The following CDK14 variants were observed in gnomAD, a reference collection of about 807,000 sequenced individuals.
CDK14 encodes cyclin dependent kinase 14.
CDK14 carries 34 observed loss-of-function variants against 60.7 expected under a neutral mutation model. The observed-to-expected ratio is 0.56, with a 90% confidence interval of 0.43 to 0.75. CDK14 has a LOEUF of 0.75. CDK14 is among the 30% of genes least tolerant of loss of function. CDK14 has a pLI of 0.00. For missense variants in CDK14, 482 were observed against 564.1 expected (o/e 0.85, Z 1.47); for synonymous variants, 197 against 203.7 (o/e 0.97, Z 0.28).
At chr7:90,689,588 A>T (rs746952359) in intron 2 of CDK14, among the ~76,000 whole-genome samples, 1 of 152,184 alleles carries the variant, frequency 6.6e-6, no homozygotes, top group Non-Finnish European at 1.5e-5. Flanking sequence ...ATCTTCTCAT[A>T]CTACCCCAGG....
chr7:90,790,113 TGAG>T (rs991842981), intron 4 of CDK14, among the ~76,000 whole-genome samples: 4 of 150,384 alleles, frequency 2.7e-5, no homozygotes, highest in Admixed American at 1.3e-4. Flanking sequence ...TTTTTTTTTT[TGAG>T]AGAGAGAGAA....
chr7:91,056,306 T>A (rs1421019474), intron 11 of CDK14, among the ~76,000 whole-genome samples: 2 of 152,138 alleles, frequency 1.3e-5, no homozygotes, highest in Non-Finnish European at 2.9e-5. Flanking sequence ...AAGGGTAGGA[T>A]GAAGATTTTC....
chr7:90,680,580 A>G (rs976778202), intron 2 of CDK14, among the ~76,000 whole-genome samples: 5 of 152,202 alleles, frequency 3.3e-5, no homozygotes, highest in African/African-American at 1.2e-4. Context: ...GGAAAAATCT[A>G]TTGGGTGAAT....
chr7:90,744,357 CAGA>C (rs994577173), intron 3 of CDK14, among the ~76,000 whole-genome samples: 3 of 152,326 alleles, frequency 2.0e-5, no homozygotes, highest in African/African-American at 7.2e-5. Context: ...GATCCCAAGG[CAGA>C]AGAATTTTTC....
At position 91,150,271 on chromosome 7, in the gene CDK14, C is replaced by T. The variant is rs141222562; in HGVS notation, c.*28+32063C>T. On this transcript the variant is annotated intron_variant, in intron 14 of 14. Coordinates refer to ENST00000380050, the MANE Select transcript of CDK14 (RefSeq NM_001287135.2). ...TGCTGGCTGTTTACGGGGGACATTT[C>T]GTGTTTAAAATATGTCTTTAAAATG... is the stretch of plus-strand genomic sequence containing the variant. Among the ~76,000 whole-genome samples the T allele has an allele frequency of 5.1e-3, 784 of 152,246 alleles. 10 individuals carry two copies. The highest frequency in any genetic ancestry group is 0.017 in the African/African-American group (713 of 41,534).
At chr7:90,777,979 A>C (rs1359295932) in intron 4 of CDK14, among the ~76,000 whole-genome samples, 1 of 152,182 alleles carries the variant, frequency 6.6e-6, no homozygotes, top group Non-Finnish European at 1.5e-5. Flanking sequence ...ATAGAACATC[A>C]TTCTCTGATC....
intron 4 of CDK14, among the ~76,000 whole-genome samples, chr7:90,757,893 A>G (rs1804149328): frequency 1.3e-5 from 2 of 152,086 alleles, no homozygotes; most frequent in Non-Finnish European, 2.9e-5. Context: ...ATGAGCAACC[A>G]TGCCCAGTGG....
intron 6 of CDK14, among the ~76,000 whole-genome samples, chr7:90,866,221 C>T (rs1562804053): frequency 7.6e-6 from 1 of 131,230 alleles, no homozygotes; most frequent in African/African-American, 2.9e-5. Flanking sequence ...CTGAAATACA[C>T]ACACATACAC....
intron 2 of CDK14, among the ~76,000 whole-genome samples, chr7:90,721,227 C>G (rs967113225): frequency 3.0e-4 from 45 of 152,244 alleles, no homozygotes; most frequent in African/African-American, 9.9e-4. Flanking sequence ...CCTGATCATT[C>G]ATTCCTGTCC....
intron 13 of CDK14, 38 bp downstream of exon 13, chr7:91,112,719 A>G: frequency 6.2e-7 from 1 of 1,605,866 alleles, no homozygotes; most frequent in Non-Finnish European, 8.5e-7. Context: ...GTCCAAGCAG[A>G]CACATCATTT....
chr7:90,614,066 G>A (rs1225162469), intron 2 of CDK14, among the ~76,000 whole-genome samples: 3 of 148,030 alleles, frequency 2.0e-5, no homozygotes, highest in Non-Finnish European at 4.4e-5. Context: ...GAGTGCAATG[G>A]TGCGATCTTG....
At chr7:90,759,130 G>A (rs1372131096) in intron 4 of CDK14, among the ~76,000 whole-genome samples, 1 of 151,986 alleles carries the variant, frequency 6.6e-6, no homozygotes, top group Non-Finnish European at 1.5e-5. Flanking sequence ...ATGAAGAGAG[G>A]ATGATGTTGA....
chr7:90,714,143 AAGG>A (rs1163604498), intron 2 of CDK14, among the ~76,000 whole-genome samples: 1 of 152,054 alleles, frequency 6.6e-6, no homozygotes, highest in Non-Finnish European at 1.5e-5. Context: ...GAGTGGATAA[AAGG>A]AGGATGTAAC....
intron 2 of CDK14, among the ~76,000 whole-genome samples, chr7:90,668,234 T>C (rs1220258492): frequency 6.6e-6 from 1 of 152,236 alleles, no homozygotes; most frequent in Admixed American, 6.5e-5. Context: ...GACATGTCTT[T>C]GTGATTTTTA....
At chr7:90,910,581 A>T (rs948242090) in intron 7 of CDK14, among the ~76,000 whole-genome samples, 1 of 152,172 alleles carries the variant, frequency 6.6e-6, no homozygotes, top group Non-Finnish European at 1.5e-5. Context: ...ACTTTCATTT[A>T]TCTACCAGTG....
chr7:91,192,378 A>G (rs573320822), intron 14 of CDK14, among the ~76,000 whole-genome samples: 2 of 152,330 alleles, frequency 1.3e-5, no homozygotes, highest in South Asian at 2.1e-4. Context: ...AGGAGTGGGA[A>G]GTACATCTCC....
chr7:90,861,491 C>G (rs1209619392), intron 5 of CDK14, among the ~76,000 whole-genome samples: 1 of 152,056 alleles, frequency 6.6e-6, no homozygotes, highest in Non-Finnish European at 1.5e-5. Context: ...CAAAATTATT[C>G]CAGAAAGACA....
intron 10 of CDK14, among the ~76,000 whole-genome samples, chr7:91,023,824 G>A (rs1440792948): frequency 6.6e-6 from 1 of 152,154 alleles, no homozygotes; most frequent in African/African-American, 2.4e-5. Flanking sequence ...GAAGTGCAGA[G>A]TGCAATGGCT....
At chr7:91,030,843 T>TA (rs1796740215) in intron 10 of CDK14, among the ~76,000 whole-genome samples, 1 of 152,208 alleles carries the variant, frequency 6.6e-6, no homozygotes, top group Admixed American at 6.5e-5. Context: ...TCCCTGGGCC[T>TA]AGAAGCCTCA....
Sources: gnomAD v4.1 joint callset for allele counts (sites outside exome capture counted in the v4.1 genomes callset) on GRCh38, gnomAD v4.1.1 for gene constraint, MANE v1.5 for transcripts, NCBI Gene and HGNC (gene_info 2026-07-23, HGNC 2026-07-21) for gene names.